CASP10: variants seen among roughly 807,000 people sequenced by gnomAD.
The protein encoded by CASP10 is caspase 10.
Under a neutral mutation model 48.5 loss-of-function variants are expected in CASP10, and 41 were observed. That is an observed-to-expected ratio of 0.85 (90% confidence interval 0.66 to 1.10). CASP10 has a LOEUF of 1.10. Ranked by LOEUF, CASP10 falls within the 50% of genes least tolerant of loss-of-function variation. CASP10 has a pLI of 0.00. For missense variants in CASP10, 614 were observed against 614.5 expected (o/e 1.00, Z 0.01); for synonymous variants, 232 against 238.4 (o/e 0.97, Z 0.25).
intron 9 of CASP10, among the ~76,000 whole-genome samples, chr2:201,211,722 T>C (rs1259376142): frequency 6.6e-6 from 1 of 152,212 alleles, no homozygotes; most frequent in Non-Finnish European, 1.5e-5. Context: ...GCATTTTCTT[T>C]GTTTATATAC....
At position 201,220,218 on chromosome 2, in the gene CASP10, T is replaced by TC. The variant is rs1315133754; in HGVS notation, c.*2480dup. 1.2e-6 allele frequency: 1 copy of TC among 868,338 alleles called. No individual in the cohort carries two copies. Among genetic ancestry groups the TC allele is most frequent in the East Asian group, 1.2e-4 (1 of 8,276 alleles). The allele number at this position is 868,338 out of a possible 1,614,324, so 53.8% of individuals were successfully genotyped here. On this transcript the variant is annotated 3_prime_UTR_variant, in exon 10 of 10. Coordinates refer to ENST00000286186, the MANE Select transcript of CASP10 (RefSeq NM_032977.4). ...AAACACCGCCACTTTAAGTTCCAGT[T>TC]CCCTTTCTAGCCTCATGCATTTCAA... is the stretch of plus-strand genomic sequence containing the variant.
At chr2:201,225,726 C>G (rs1021279327), downstream of CASP10, among the ~76,000 whole-genome samples, 1 of 152,166 alleles carries the variant, frequency 6.6e-6, no homozygotes, top group Non-Finnish European at 1.5e-5. Context: ...AATCCCAGAA[C>G]TTTGGGAGGC....
At position 201,219,503 on chromosome 2, in the gene CASP10, C is replaced by T; in HGVS notation, c.*1762C>T. 1.0e-6 allele frequency: 1 copy of T among 985,358 alleles called. No homozygotes were observed. Among genetic ancestry groups the T allele is most frequent in the Non-Finnish European group, 1.2e-6 (1 of 829,942 alleles). 61.0% of individuals were successfully genotyped at this position (985,358 alleles called of 1,614,324 possible). ...GATGCAGTAGACTGCAGTGGACAGT[C>T]CCCACCTTGTTACTGCTACTACACT... is the stretch of plus-strand genomic sequence containing the variant. On this transcript the variant is annotated 3_prime_UTR_variant, in exon 10 of 10. Coordinates refer to ENST00000286186, the MANE Select transcript of CASP10 (RefSeq NM_032977.4).
chr2:201,229,209 A>G, exon 10 of CASP10: 1 of 1,120,186 alleles, frequency 8.9e-7, no homozygotes. Flanking sequence ...CAAAGTTGAG[A>G]CTTCTGAACG....
intron 8 of CASP10, 41 bp from the exon 9 acceptor site, chr2:201,209,029 C>G (rs1157685735): frequency 6.4e-7 from 1 of 1,574,624 alleles, no homozygotes. Context: ...TCCCCTTTCT[C>G]TCTCTCTCTC....
chr2:201,186,115 C>T lies in CASP10; in HGVS notation c.338C>T (p.Ser113Phe), dbSNP rs1227719196. ...ERLLPTRQRV[S>F]LFRNLLYELS... ...CTGCTGCCCACCCGACAAAGGGTTTCTCTGTTTAGGTGAGGACGGGTCTGT... is the reference window on the plus strand; with the variant it reads ...CTGCTGCCCACCCGACAAAGGGTTTTTCTGTTTAGGTGAGGACGGGTCTGT... Residue 113 changes from serine (S) to phenylalanine (F), a missense_variant, in exon 2 of 10, where the codon TCT (serine) becomes TTT (phenylalanine). By Grantham distance (155) the Ser-to-Phe change is radical (BLOSUM62 -2). Transcript: ENST00000286186. 2 of 1,611,462 alleles carry T rather than the reference C, an allele frequency of 1.2e-6. No homozygotes were observed. The highest frequency in any genetic ancestry group is 2.2e-5 in the South Asian group (2 of 90,950).
At chr2:201,212,013 A>C (rs1489838332) in intron 9 of CASP10, among the ~76,000 whole-genome samples, 2 of 151,940 alleles carry the variant, frequency 1.3e-5, no homozygotes, top group African/African-American at 4.8e-5. Context: ...CAGTGGCGCA[A>C]TCTCAGCTCA....
intron 9 of CASP10, among the ~76,000 whole-genome samples, chr2:201,215,211 G>GTTTTT (rs10616229): frequency 1.3e-4 from 4 of 29,910 alleles, no homozygotes; most frequent in Non-Finnish European, 1.9e-4. Context: ...TCTTCCCTCG[G>GTTTTT]TTTTTTTTTT....
rs1402073965 is a variant in CASP10 at position 201,186,099 on chromosome 2, A to G, written c.322A>G (p.Thr108Ala). Residue 108 changes from threonine to alanine, a missense_variant, in exon 2 of 10, where the codon ACC (threonine) becomes GCC (alanine). Transcript: ENST00000286186. The part of the protein sequence containing the change: ...TKEEVERLLP[T>A]RQRVSLFRNL... The stretch of plus-strand genomic sequence containing the variant: ...AGAGGAAGTGGAGCGACTGCTGCCC[A>G]CCCGACAAAGGGTTTCTCTGTTTAG... The G allele has an allele frequency of 1.9e-6, 3 of 1,612,116 alleles. No individual in the cohort carries two copies. The highest frequency in any genetic ancestry group is 2.5e-6 in the Non-Finnish European group (3 of 1,179,974).
At chr2:201,199,653 T>C (rs1944941957) in intron 5 of CASP10, among the ~76,000 whole-genome samples, 1 of 145,018 alleles carries the variant, frequency 6.9e-6, no homozygotes, top group South Asian at 2.4e-4. Context: ...CGGCTCACTA[T>C]AACCTCCACC....
At chr2:201,222,764 G>A (rs141887468), downstream of CASP10, among the ~76,000 whole-genome samples, 41 of 152,262 alleles carry the variant, frequency 2.7e-4, 1 homozygote, top group East Asian at 7.5e-3. Context: ...CATCTGGTAC[G>A]CTGTGGTACC....
At chr2:201,187,906 A>G in intron 3 of CASP10, 107 bp downstream of exon 3, 1 of 814,138 alleles carries the variant, frequency 1.2e-6, no homozygotes, top group East Asian at 2.5e-5. Context: ...GGGAGACAGT[A>G]TCATACAATG....
chr2:201,208,440 C>T (rs1273293917), intron 8 of CASP10: 25 of 877,278 alleles, frequency 2.8e-5, no homozygotes, highest in East Asian at 1.2e-4. Flanking sequence ...ACAACTTGGG[C>T]GTGAGCTCCA....
Position 201,186,063 on chromosome 2 carries a change from A to G in CASP10, c.286A>G (p.Asn96Asp). 3 of 1,612,616 alleles carry G rather than the reference A, an allele frequency of 1.9e-6. No homozygotes were observed. The highest frequency in any genetic ancestry group is 2.2e-5 in the South Asian group (2 of 91,016). ...GCAGAAGAAGCTGCTGCAGCACCTC[A>G]ACTGTACCAAAGAGGAAGTGGAGCG... Reference protein sequence around the residue: ...IRQKKLLQHLNCTKEEVERLL... With the variant: ...IRQKKLLQHLDCTKEEVERLL... The change falls in exon 2 of 10, where the codon AAC (asparagine) becomes GAC (aspartate). Residue 96 changes from asparagine (N) to aspartate (D), a missense_variant. Coordinates refer to ENST00000286186, the MANE Select transcript of CASP10 (RefSeq NM_032977.4).
chr2:201,192,103 A>G (rs1352676036), intron 3 of CASP10, among the ~76,000 whole-genome samples: 1 of 152,170 alleles, frequency 6.6e-6, no homozygotes, highest in Non-Finnish European at 1.5e-5. Context: ...CTGTCAAGAC[A>G]TGAGTTTCTG....
At position 201,209,438 on chromosome 2, in the gene CASP10, C is replaced by T. The variant is rs1945324000; in HGVS notation, c.1291C>T (p.Pro431Ser). The T allele has an allele frequency of 2.5e-6, 4 of 1,614,092 alleles. No individual in the cohort carries two copies. Among genetic ancestry groups the T allele is most frequent in the Non-Finnish European group, 3.4e-6 (4 of 1,179,956 alleles). ...QAPTSLQDSI[P>S]AEADFLLGLA... ...ACCCACTTCCCTGCAGGACAGTATT[C>T]CTGCCGAGGCTGACTTCCTACTTGG... is the stretch of plus-strand genomic sequence containing the variant. Residue 431 changes from proline (P) to serine (S), a missense_variant, in exon 9 of 10, where the codon CCT becomes TCT. Coordinates refer to ENST00000286186, the MANE Select transcript of CASP10 (RefSeq NM_032977.4).
At chr2:201,222,666 A>G (rs989813362), downstream of CASP10, among the ~76,000 whole-genome samples, 1 of 152,262 alleles carries the variant, frequency 6.6e-6, no homozygotes, top group Non-Finnish European at 1.5e-5. Flanking sequence ...GGGATTCACA[A>G]TGGTGTTGGG....
chr2:201,189,076 T>C (rs1484158260), intron 3 of CASP10, among the ~76,000 whole-genome samples: 1 of 151,818 alleles, frequency 6.6e-6, no homozygotes, highest in Non-Finnish European at 1.5e-5. Flanking sequence ...TTCACCATAT[T>C]GGCTAGGCTG....
intron 3 of CASP10, among the ~76,000 whole-genome samples, 160 bp downstream of exon 3, chr2:201,187,959 G>A (rs527458533): frequency 1.2e-4 from 18 of 152,252 alleles, no homozygotes; most frequent in African/African-American, 4.3e-4. Flanking sequence ...CTAGATTCTG[G>A]TCCTGATTCT....
Sources: gnomAD v4.1 joint callset for allele counts (sites outside exome capture counted in the v4.1 genomes callset) on GRCh38, gnomAD v4.1.1 for gene constraint, MANE v1.5 for transcripts, NCBI Gene and HGNC (gene_info 2026-07-23, HGNC 2026-07-21) for gene names.